Variants in ALK observed in about 807,000 individuals in gnomAD.
The protein encoded by ALK is ALK receptor tyrosine kinase.
A neutral mutation model predicts 163.1 loss-of-function variants in ALK; 74 were observed. The ratio of observed to expected loss-of-function variants is 0.45; its 90% confidence interval spans 0.38 to 0.55. The LOEUF is 0.55. Ranked by LOEUF, ALK falls within the 20% of genes least tolerant of loss-of-function variation. The probability of loss-of-function intolerance (pLI) is 0.00; values close to 1 mark genes in which losing one functional copy is unlikely to be tolerated. For synonymous variants in ALK, 960 were observed against 843.2 expected (o/e 1.14, Z -2.40); for missense variants, 2,063 against 2,105.3 (o/e 0.98, Z 0.39).
At chr2:29,439,597 G>A (rs893211886) in intron 4 of ALK, among the ~76,000 whole-genome samples, 13 of 151,702 alleles carry the variant, frequency 8.6e-5, no homozygotes, top group Non-Finnish European at 1.5e-4. Flanking sequence ...CTGTGAATGT[G>A]ACCACATATA....
chr2:29,221,212 A>G (rs1172084663), intron 22 of ALK: 7 of 538,778 alleles, frequency 1.3e-5, no homozygotes, highest in African/African-American at 3.8e-5. Flanking sequence ...CAGAAGGTGA[A>G]GCAAAACAAC....
intron 8 of ALK, among the ~76,000 whole-genome samples, chr2:29,313,444 G>A (rs1666746381): frequency 6.6e-6 from 1 of 152,118 alleles, no homozygotes; most frequent in South Asian, 2.1e-4. Context: ...GTGGAGAGAC[G>A]AAGGGGAGAA....
intron 9 of ALK, among the ~76,000 whole-genome samples, chr2:29,292,639 A>G (rs1043242838): frequency 5.9e-5 from 9 of 152,204 alleles, no homozygotes; most frequent in Non-Finnish European, 1.0e-4. Context: ...GTCCTTCAAA[A>G]TTACCTTGAG....
chr2:29,352,049 C>T (rs1006796479), intron 5 of ALK, among the ~76,000 whole-genome samples: 4 of 152,118 alleles, frequency 2.6e-5, no homozygotes, highest in East Asian at 1.9e-4. Flanking sequence ...AGATGATGAC[C>T]ATCTTGGAGG....
At chr2:29,769,365 A>T (rs186948216) in intron 1 of ALK, among the ~76,000 whole-genome samples, 8 of 152,002 alleles carry the variant, frequency 5.3e-5, no homozygotes, top group Admixed American at 5.2e-4. Context: ...GTCTTTTTTC[A>T]TGACAAATAG....
chr2:29,487,873 C>A (rs1408963650), intron 4 of ALK, among the ~76,000 whole-genome samples: 1 of 152,172 alleles, frequency 6.6e-6, no homozygotes, highest in Non-Finnish European at 1.5e-5. Context: ...CCAAAGCCTG[C>A]CCGCTATCCC....
At chr2:29,445,708 G>A (rs1179094769) in intron 4 of ALK, among the ~76,000 whole-genome samples, 3 of 152,200 alleles carry the variant, frequency 2.0e-5, no homozygotes, top group Non-Finnish European at 4.4e-5. Context: ...TGTAGTCCCA[G>A]TTACTTGGGA....
rs558212582 is a variant in ALK at position 29,431,299 on chromosome 2, T to G, written c.1155-47440A>C. Among the ~76,000 whole-genome samples, 52 of 152,242 alleles carry G rather than the reference T, an allele frequency of 3.4e-4. No homozygotes were observed. In the Middle Eastern group the frequency reaches 0.01, roughly 30 times the overall value. ...CTCCCAAGAGTCATTAATGTTAATG[T>G]GTATTTAAGGCTGTGTCTACAAGAC... On this transcript the variant is annotated intron_variant, in intron 4 of 28. Coordinates refer to ENST00000389048, the MANE Select transcript of ALK (RefSeq NM_004304.5).
chr2:29,431,781 C>A (rs1357854123), intron 4 of ALK, among the ~76,000 whole-genome samples: 2 of 152,110 alleles, frequency 1.3e-5, no homozygotes, highest in African/African-American at 4.8e-5. Context: ...AATCTGTGAA[C>A]TATGAAAGCT....
chr2:29,672,579 T>G (rs1199999096), intron 3 of ALK, among the ~76,000 whole-genome samples: 9 of 151,068 alleles, frequency 6.0e-5, no homozygotes, highest in Non-Finnish European at 1.0e-4. Context: ...TCTATCATTG[T>G]TGGACATTTG....
chr2:29,740,055 C>T (rs1242175675), intron 1 of ALK, among the ~76,000 whole-genome samples: 9 of 152,026 alleles, frequency 5.9e-5, no homozygotes, highest in Non-Finnish European at 1.5e-5. Context: ...GATTGAATGC[C>T]TACACCATAC....
Position 29,223,431 on chromosome 2 carries a change from G to C in ALK, c.3270C>G (p.Thr1090=), listed in dbSNP as rs746468058. Residue 1090 remains threonine, a synonymous_variant, in exon 20 of 29, where the codon ACC becomes ACG. Transcript: ENST00000389048. Reference sequence around the variant, plus strand: ...CAAAGCAGTAGTTGGGGTTGTAGTCGGTCATGATGGTCGAGGTGCGGAGCT... The same window carrying C: ...CAAAGCAGTAGTTGGGGTTGTAGTCCGTCATGATGGTCGAGGTGCGGAGCT... The part of the protein sequence containing the change: ...LSKLRTSTIM[T]DYNPNYCFAG... 6.2e-7 allele frequency: 1 copy of C among 1,614,166 alleles called. No individual in the cohort carries two copies. Among genetic ancestry groups the C allele is most frequent in the East Asian group, 2.2e-5 (1 of 44,874 alleles).
At chr2:29,618,768 C>T (rs1675934435) in intron 3 of ALK, among the ~76,000 whole-genome samples, 1 of 152,310 alleles carries the variant, frequency 6.6e-6, no homozygotes, top group Non-Finnish European at 1.5e-5. Context: ...ATTACCAGGT[C>T]AGGAGTTCAA....
chr2:29,381,732 C>G (rs1406437991), intron 5 of ALK, among the ~76,000 whole-genome samples: 1 of 152,182 alleles, frequency 6.6e-6, no homozygotes, highest in East Asian at 1.9e-4. Flanking sequence ...TCTGGCTTAA[C>G]CAAAGCAATG....
chr2:29,498,376 T>G (rs1324224668), intron 4 of ALK, among the ~76,000 whole-genome samples: 2 of 152,300 alleles, frequency 1.3e-5, no homozygotes, highest in African/African-American at 4.8e-5. Flanking sequence ...TGTGATTTTT[T>G]TTTTCAAAAT....
chr2:29,735,921 G>T (rs1415603488), intron 1 of ALK, among the ~76,000 whole-genome samples: 1 of 152,146 alleles, frequency 6.6e-6, no homozygotes, highest in South Asian at 2.1e-4. Flanking sequence ...TTACAGCAGT[G>T]TGAGAAGGGA....
chr2:29,277,982 T>C (rs1374616972), intron 9 of ALK, among the ~76,000 whole-genome samples: 1 of 152,224 alleles, frequency 6.6e-6, no homozygotes. Context: ...GAAGTGTGTG[T>C]ACCTTGGTGT....
chr2:29,277,545 A>T (rs1665578571), intron 9 of ALK, among the ~76,000 whole-genome samples: 1 of 152,218 alleles, frequency 6.6e-6, no homozygotes, highest in Non-Finnish European at 1.5e-5. Context: ...CAATTACAGG[A>T]CCCAAATCTG....
At chr2:29,473,333 G>A (rs1671416141) in intron 4 of ALK, among the ~76,000 whole-genome samples, 1 of 152,148 alleles carries the variant, frequency 6.6e-6, no homozygotes, top group Admixed American at 6.5e-5. Flanking sequence ...AGACCTAAAT[G>A]TGAAAGGAAA....
Sources: gnomAD v4.1 joint callset for allele counts (sites outside exome capture counted in the v4.1 genomes callset) on GRCh38, gnomAD v4.1.1 for gene constraint, MANE v1.5 for transcripts, NCBI Gene and HGNC (gene_info 2026-07-23, HGNC 2026-07-21) for gene names.